The following RPS6KA1 variants were observed in gnomAD, a reference collection of about 807,000 sequenced individuals.
The protein encoded by RPS6KA1 is ribosomal protein S6 kinase alpha-1.
RPS6KA1 carries 48 observed loss-of-function variants against 91.3 expected under a neutral mutation model. The observed-to-expected ratio is 0.53, with a 90% confidence interval of 0.42 to 0.67. RPS6KA1 has a LOEUF of 0.67. RPS6KA1 is among the 30% of genes least tolerant of loss of function. The pLI is 0.00. For synonymous variants in RPS6KA1, 359 were observed against 384.7 expected, an observed-to-expected ratio of 0.93 and a Z score of 0.78; for missense variants, 719 against 960.5, an observed-to-expected ratio of 0.75 and a Z score of 3.32.
In RPS6KA1 at chr1:26,551,303, A is replaced by G; in HGVS notation, c.308-94A>G. On this transcript the variant is annotated intron_variant, in intron 4 of 21. Coordinates refer to ENST00000374168, the MANE Select transcript of RPS6KA1 (RefSeq NM_002953.4). This position sits in a 1 kb window ranked among gnomAD's most constrained non-coding sequence, Gnocchi z 4.5. ...GGGGGCTTTGGGAGCTCAGGCCTGG[A>G]GGAACAAGTGGAAAAGAGATCCCTT... 9.0e-7 allele frequency: 1 copy of G among 1,108,460 alleles called. No individual in the cohort carries two copies. Among genetic ancestry groups the G allele is most frequent in the South Asian group, 1.3e-5 (1 of 76,000 alleles). 68.7% of individuals were successfully genotyped at this position (1,108,460 alleles called of 1,614,324 possible).
chr1:26,533,005 T>C (rs140599300), intron 1 of RPS6KA1, among the ~76,000 whole-genome samples: 36 of 152,354 alleles, frequency 2.4e-4, no homozygotes, highest in Non-Finnish European at 4.3e-4. Context: ...TGATAAGTAC[T>C]ATTTCAGACA....
At chr1:26,559,367 TTTTG>T (rs985858477) in intron 14 of RPS6KA1, among the ~76,000 whole-genome samples, 20 of 151,922 alleles carry the variant, frequency 1.3e-4, no homozygotes, top group Admixed American at 7.2e-4. Context: ...CTTTGGGGTT[TTTTG>T]TTTGTTTGTT....
chr1:26,569,386 C>CT (rs1407513779), intron 17 of RPS6KA1, among the ~76,000 whole-genome samples: 1 of 152,174 alleles, frequency 6.6e-6, no homozygotes, highest in Non-Finnish European at 1.5e-5. Flanking sequence ...GTCCACATTC[C>CT]TGGGGGCCTG....
At chr1:26,541,783 G>A (rs2075949958) in intron 2 of RPS6KA1, among the ~76,000 whole-genome samples, 1 of 152,200 alleles carries the variant, frequency 6.6e-6, no homozygotes, top group Non-Finnish European at 1.5e-5. Flanking sequence ...CCCTGCAAAT[G>A]CTGCCAGCTG....
In RPS6KA1 at chr1:26,548,323, C is replaced by T. The variant is rs755968266; in HGVS notation, c.307+1053C>T. Reference sequence around the variant, plus strand: ...GACTGGTGTGCGTGGATATCCGACGCGCTGGGGAGCTGGGAGTGGTGGTGT... The same window carrying T: ...GACTGGTGTGCGTGGATATCCGACGTGCTGGGGAGCTGGGAGTGGTGGTGT... On this transcript the variant is annotated intron_variant, in intron 4 of 21. Transcript: ENST00000374168. Among the ~76,000 whole-genome samples the T allele has an allele frequency of 2.6e-5, 4 of 151,310 alleles. 1 individual carries two copies. The highest frequency in any genetic ancestry group is 4.9e-5 in the African/African-American group (2 of 41,090).
At position 26,561,260 on chromosome 1, in the gene RPS6KA1, C is replaced by T. The variant is rs2076152124; in HGVS notation, c.1431+126C>T. 2 of 1,006,226 alleles carry T rather than the reference C, an allele frequency of 2.0e-6. No homozygotes were observed. The highest frequency in any genetic ancestry group is 3.0e-6 in the Non-Finnish European group (2 of 669,646). The allele number at this position is 1,006,226 out of a possible 1,614,324, so 62.3% of individuals were successfully genotyped here. A position where few individuals can be genotyped will look rare whatever the true frequency, so the allele number is the denominator to read the frequency against. ...GGTCATGTGGAGGGGAAGGAGGTCC[C>T]TTGGTCCCTTCAGTCTGCCCATACC... On this transcript the variant is annotated intron_variant, in intron 16 of 21. Transcript: ENST00000374168. The surrounding 1 kb of genome is among the most constrained non-coding windows in gnomAD (Gnocchi z 5.7).
Position 26,561,577 on chromosome 1 carries a change from C to G in RPS6KA1, c.1504C>G (p.Leu502Val). The change falls in exon 17 of 22, where the codon CTG (leucine) becomes GTG (valine). Residue 502 changes from leucine to valine, a missense_variant. Leu to Val is a conservative substitution (Grantham distance 32). Coordinates refer to ENST00000374168, the MANE Select transcript of RPS6KA1 (RefSeq NM_002953.4). This position sits in a 1 kb window ranked among gnomAD's most constrained non-coding sequence, Gnocchi z 5.7. ...MRGGELLDKI[L>V]RQKFFSEREA... ...GGGTGGGGAGCTGCTGGACAAGATCCTGCGGCAGAAGTTCTTCTCAGAGCG... is the reference window on the plus strand; with the variant it reads ...GGGTGGGGAGCTGCTGGACAAGATCGTGCGGCAGAAGTTCTTCTCAGAGCG... The G allele has an allele frequency of 6.2e-7, 1 of 1,614,142 alleles. No individual in the cohort carries two copies.
At chr1:26,549,690 CTTTTTTTTT>C (rs561375723) in intron 4 of RPS6KA1, among the ~76,000 whole-genome samples, 1 of 101,916 alleles carries the variant, frequency 9.8e-6, no homozygotes, top group Non-Finnish European at 1.9e-5. Context: ...AAAGCCTGTT[CTTTTTTTTT>C]TTTTTTTTTT....
At chr1:26,553,312 A>G (rs2076070029) in intron 6 of RPS6KA1, 79 bp from the exon 7 acceptor site, 3 of 963,692 alleles carry the variant, frequency 3.1e-6, no homozygotes, top group Non-Finnish European at 3.3e-6. Flanking sequence ...CTTCAGGACC[A>G]GGAAGCTGCT....
intron 2 of RPS6KA1, chr1:26,545,745 C>A: frequency 9.3e-7 from 1 of 1,080,736 alleles, no homozygotes; most frequent in Non-Finnish European, 1.2e-6. Context: ...GGGTGTAGGC[C>A]TGGTGCTGGG....
At chr1:26,559,568 CG>C (rs2076136496) in intron 14 of RPS6KA1, among the ~76,000 whole-genome samples, 1 of 145,924 alleles carries the variant, frequency 6.9e-6, no homozygotes, top group African/African-American at 2.5e-5. Flanking sequence ...TTAGTAGAGA[CG>C]GGGTTTTACC....
At position 26,536,949 on chromosome 1, in the gene RPS6KA1, G is replaced by T; in HGVS notation, c.88G>T (p.Ala30Ser). Residue 30 changes from alanine (A) to serine (S), a missense_variant, in exon 2 of 22, where the codon GCT (alanine) becomes TCT (serine). Around this residue, in one of 5 missense-constraint regions of RPS6KA1, gnomAD observed 57 missense variants for 55.8 expected, o/e 1.02. Transcript: ENST00000374168. ...PENGQTSGEEAGLQPSKDEGV... is the reference protein window; with the variant it reads ...PENGQTSGEESGLQPSKDEGV... ...GAATGGACAGACCTCAGGGGAAGAAGCTGGACTTCAGCCGTCCAAGGTGAG... is the reference window on the plus strand; with the variant it reads ...GAATGGACAGACCTCAGGGGAAGAATCTGGACTTCAGCCGTCCAAGGTGAG... The T allele has an allele frequency of 6.2e-7, 1 of 1,614,174 alleles. No individual in the cohort carries two copies. Among genetic ancestry groups the T allele is most frequent in the Non-Finnish European group, 8.5e-7 (1 of 1,180,002 alleles).
At chr1:26,562,825 CTTTTTTTTTTTT>C (rs748764001) in intron 17 of RPS6KA1, among the ~76,000 whole-genome samples, 5 of 81,432 alleles carry the variant, frequency 6.1e-5, no homozygotes, top group African/African-American at 2.0e-4. Flanking sequence ...TCCTATTGTC[CTTTTTTTTTTTT>C]TTTTTTTTTT....
At chr1:26,541,344 C>G (rs2124620090) in intron 2 of RPS6KA1, among the ~76,000 whole-genome samples, 1 of 151,606 alleles carries the variant, frequency 6.6e-6, no homozygotes, top group Admixed American at 6.6e-5. Context: ...CGCCTGAGCT[C>G]AGGAGTTTGA....
intron 17 of RPS6KA1, among the ~76,000 whole-genome samples, chr1:26,563,395 T>C (rs192812730): frequency 2.6e-5 from 4 of 151,946 alleles, no homozygotes; most frequent in Non-Finnish European, 5.9e-5. Context: ...ACCTGGCTAA[T>C]TTTGTATTTT....
Position 26,547,293 on chromosome 1 carries a change from G to A in RPS6KA1, c.307+23G>A, listed in dbSNP as rs1262451437. 2 of 1,606,348 alleles carry A rather than the reference G, an allele frequency of 1.2e-6. No homozygotes were observed. The highest frequency in any genetic ancestry group is 1.7e-6 in the Non-Finnish European group (2 of 1,175,238). On this transcript the variant is annotated intron_variant, in intron 4 of 21. Transcript: ENST00000374168. This position sits in a 1 kb window ranked among gnomAD's most constrained non-coding sequence, Gnocchi z 4.1. ...AAGGTGAGTGGGGACACCTCCCTGT[G>A]CAGAACCCAGGCTTGGCTGAGGGAG...
intron 4 of RPS6KA1, among the ~76,000 whole-genome samples, chr1:26,548,273 G>A (rs774408557): frequency 6.6e-6 from 1 of 152,022 alleles, no homozygotes; most frequent in African/African-American, 2.4e-5. Flanking sequence ...AAGCATACCC[G>A]ACAGTGTGGT....
At chr1:26,530,044 CG>C in intron 1 of RPS6KA1, 61 bp downstream of exon 1, 1 of 1,166,272 alleles carries the variant, frequency 8.6e-7, no homozygotes, top group South Asian at 3.0e-5. Flanking sequence ...CTCACAGGGG[CG>C]GGGCGGCCCG....
rs201508654 is a variant in RPS6KA1, at chr1:26,572,231, A to G, written c.1885A>G (p.Ile629Val). ...SDTPEEILTR[I>V]GSGKFTLSGG... is the part of the protein sequence containing the mutation. The stretch of plus-strand genomic sequence containing the variant: ...CACACCAGAGGAAATCCTAACCCGG[A>G]TCGGCAGTGGGAAGTTTACCCTCAG... Residue 629 changes from isoleucine to valine, a missense_variant, in exon 20 of 22, where the codon ATC (isoleucine) becomes GTC (valine). Ile to Val is a conservative substitution (Grantham distance 29). Around this residue, in one of 5 missense-constraint regions of RPS6KA1, gnomAD observed 249 missense variants for 323.1 expected, o/e 0.77. Transcript: ENST00000374168. The G allele has an allele frequency of 1.4e-5, 22 of 1,613,980 alleles. No homozygotes were observed. The East Asian group carries it at 1.6e-4, about 11-fold the overall frequency.
Sources: gnomAD v4.1 joint callset for allele counts (sites outside exome capture counted in the v4.1 genomes callset) on GRCh38, gnomAD v4.1.1 for gene constraint, gnomAD v4.1.1 regional missense constraint, Gnocchi (gnomAD v3.1) non-coding constraint, MANE v1.5 for transcripts, NCBI Gene and HGNC (gene_info 2026-07-23, HGNC 2026-07-21) for gene names.